Variants in SDK1 observed in about 807,000 individuals in gnomAD.
SDK1 encodes sidekick cell adhesion molecule 1.
SDK1 carries 157 observed loss-of-function variants against 245.5 expected under a neutral mutation model. The observed-to-expected ratio is 0.64, with a 90% CI of 0.56 to 0.73. SDK1 has a LOEUF of 0.73. SDK1 is among the 30% of genes least tolerant of loss of function. SDK1 has a pLI of 0.00. For missense variants in SDK1, 3,583 were observed against 3,002.3 expected, an observed-to-expected ratio of 1.19 and a Z score of -4.52; for synonymous variants, 1,647 against 1,278.5, an observed-to-expected ratio of 1.29 and a Z score of -6.15.
chr7:3,559,473 CA>C (rs934034289), intron 1 of SDK1, among the ~76,000 whole-genome samples: 100 of 152,102 alleles, frequency 6.6e-4, no homozygotes, highest in African/African-American at 2.1e-3. Flanking sequence ...ATGAATGTTT[CA>C]AATTTTTTTT....
At chr7:3,699,973 A>G (rs565258494) in intron 4 of SDK1, among the ~76,000 whole-genome samples, 40 of 137,882 alleles carry the variant, frequency 2.9e-4, no homozygotes, top group Admixed American at 6.8e-4. Context: ...TACCTGACAT[A>G]TAGGGGGAAA....
chr7:4,035,769 T>C (rs1788162942), intron 17 of SDK1, among the ~76,000 whole-genome samples: 1 of 152,176 alleles, frequency 6.6e-6, no homozygotes, highest in South Asian at 2.1e-4. Context: ...AAGATGAGCC[T>C]GGAACATCTC....
In SDK1 at chr7:4,096,819, G is replaced by C. The variant is rs540834989; in HGVS notation, c.3325-13844G>C. ...CGCCACATAGGAGCTGAGATTCAGG[G>C]GCCGGGGACACTGAAACCCCCACGG... On this transcript the variant is annotated intron_variant, in intron 22 of 44. Transcript: ENST00000404826. 2.0e-5 allele frequency among the ~76,000 whole-genome samples: 3 copies of C among 152,104 alleles called. No individual in the cohort carries two copies. In the East Asian group the frequency reaches 5.9e-4, roughly 30 times the overall value.
At chr7:3,968,475 C>T (rs775526704) in intron 10 of SDK1, among the ~76,000 whole-genome samples, 8 of 152,236 alleles carry the variant, frequency 5.3e-5, no homozygotes, top group Non-Finnish European at 1.2e-4. Context: ...AGAGGTACAA[C>T]CCCTGCACTC....
At chr7:4,165,680 G>A (rs940256622) in intron 32 of SDK1, among the ~76,000 whole-genome samples, 1 of 152,128 alleles carries the variant, frequency 6.6e-6, no homozygotes, top group African/African-American at 2.4e-5. Flanking sequence ...AGTAGAGACA[G>A]GATTTCATCA....
intron 1 of SDK1, among the ~76,000 whole-genome samples, chr7:3,510,311 A>G (rs767778004): frequency 1.1e-4 from 16 of 152,222 alleles, no homozygotes; most frequent in Non-Finnish European, 2.4e-4. Flanking sequence ...AGATGATTCT[A>G]TAACTGACTT....
At chr7:3,578,597 C>G (rs989906554) in intron 1 of SDK1, among the ~76,000 whole-genome samples, 4 of 151,886 alleles carry the variant, frequency 2.6e-5, no homozygotes, top group Non-Finnish European at 5.9e-5. Context: ...GACAGACACT[C>G]CCACAGCAGC....
At chr7:3,479,598 T>C (rs1199049894) in intron 1 of SDK1, among the ~76,000 whole-genome samples, 1 of 151,770 alleles carries the variant, frequency 6.6e-6, no homozygotes, top group African/African-American at 2.4e-5. Flanking sequence ...GCATGGTGGC[T>C]CACGCCTGTA....
rs1309042906 is a variant in SDK1 at position 3,588,045 on chromosome 7, G to A, written c.299-31035G>A. On this transcript the variant is annotated intron_variant, in intron 1 of 44. Transcript: ENST00000404826. Reference sequence around the variant, plus strand: ...ATTGAATCTTATTTCAAATGTAGTAGGGATGTTCAGCATTTCAAGGAATCC... The same window carrying A: ...ATTGAATCTTATTTCAAATGTAGTAAGGATGTTCAGCATTTCAAGGAATCC... Among the ~76,000 whole-genome samples, 4 of 152,210 alleles carry A rather than the reference G, an allele frequency of 2.6e-5. No homozygotes were observed. In the East Asian group the frequency reaches 7.7e-4, roughly 29 times the overall value.
chr7:4,240,241 CTTCCGA>C (rs1479207703), intron 42 of SDK1, among the ~76,000 whole-genome samples: 1 of 152,166 alleles, frequency 6.6e-6, no homozygotes, highest in Non-Finnish European at 1.5e-5. Context: ...GGACCTGCAG[CTTCCGA>C]TGCTCAGCCG....
chr7:4,118,134 A>G (rs1272204627), intron 25 of SDK1, among the ~76,000 whole-genome samples: 1 of 152,230 alleles, frequency 6.6e-6, no homozygotes, highest in Non-Finnish European at 1.5e-5. Context: ...AATGTCATAA[A>G]GGAAATGAAA....
At chr7:3,779,067 G>T (rs1411461992) in intron 4 of SDK1, among the ~76,000 whole-genome samples, 2 of 152,126 alleles carry the variant, frequency 1.3e-5, no homozygotes, top group African/African-American at 4.8e-5. Flanking sequence ...ATTAAATTAT[G>T]GATGTTCCTT....
At chr7:4,242,891 G>A (rs184712511) in intron 43 of SDK1, among the ~76,000 whole-genome samples, 4 of 152,270 alleles carry the variant, frequency 2.6e-5, no homozygotes, top group East Asian at 1.9e-4. Flanking sequence ...GCCGAGGCAC[G>A]GGTGGGCCTT....
In SDK1 at chr7:4,056,037, A is replaced by G. The variant is rs910475918; in HGVS notation, c.2911+4207A>G. Among the ~76,000 whole-genome samples, 6 of 152,182 alleles carry G rather than the reference A, an allele frequency of 3.9e-5. 1 individual carries two copies. Among genetic ancestry groups the G allele is most frequent in the African/African-American group, 7.2e-5 (3 of 41,444 alleles). ...TTTTATATTTGTTGAAGTTTGTTTA[A>G]TGGCCTAGGATATGGTCAATCTTGG... On this transcript the variant is annotated intron_variant, in intron 19 of 44. Transcript: ENST00000404826.
chr7:3,471,798 C>T (rs1781192290), intron 1 of SDK1, among the ~76,000 whole-genome samples: 1 of 152,144 alleles, frequency 6.6e-6, no homozygotes. Flanking sequence ...CTTTTCTGTT[C>T]TTAAAAGTTG....
intron 4 of SDK1, among the ~76,000 whole-genome samples, chr7:3,789,699 A>G (rs1033293457): frequency 6.6e-6 from 1 of 152,234 alleles, no homozygotes; most frequent in Non-Finnish European, 1.5e-5. Flanking sequence ...AAGATGATAG[A>G]AAGACAAGAA....
intron 43 of SDK1, among the ~76,000 whole-genome samples, 156 bp downstream of exon 43, chr7:4,242,069 C>A (rs1786560263): frequency 6.6e-6 from 1 of 152,188 alleles, no homozygotes; most frequent in African/African-American, 2.4e-5. Context: ...CCACCAGGGG[C>A]AGCCCTGAGT....
chr7:3,642,143 G>C, intron 4 of SDK1, 38 bp downstream of exon 4: 1 of 1,595,566 alleles, frequency 6.3e-7, no homozygotes, highest in Admixed American at 1.7e-5. Context: ...AAATACAATT[G>C]TAATGTCACT....
rs1441706600 is a variant in SDK1, at chr7:3,659,140, T to C, written c.713+17035T>C. The stretch of plus-strand genomic sequence containing the variant: ...TTCGCTTTCTTTTTCTTTTGTCCTT[T>C]ACTGATCATCATTAAATATTTCACC... On this transcript the variant is annotated intron_variant, in intron 4 of 44. Transcript: ENST00000404826. 2.0e-5 allele frequency among the ~76,000 whole-genome samples: 3 copies of C among 152,340 alleles called. No homozygotes were observed. The East Asian group carries it at 5.8e-4, about 29-fold the overall frequency.
Sources: gnomAD v4.1 joint callset for allele counts (sites outside exome capture counted in the v4.1 genomes callset) on GRCh38, gnomAD v4.1.1 for gene constraint, MANE v1.5 for transcripts, NCBI Gene and HGNC (gene_info 2026-07-23, HGNC 2026-07-21) for gene names.